UBE2H: variants seen among roughly 807,000 people sequenced by gnomAD.
UBE2H encodes the protein ubiquitin conjugating enzyme E2 H.
Under a neutral mutation model 29.0 loss-of-function variants are expected in UBE2H, and 3 were observed. The observed-to-expected ratio is 0.10, with a 90% confidence interval of 0.05 to 0.27. UBE2H has a LOEUF of 0.27. UBE2H is among the 10% of genes least tolerant of loss of function. The pLI is 1.00. For synonymous variants in UBE2H, 69 were observed against 82.9 expected, an observed-to-expected ratio of 0.83 and a Z score of 0.91; for missense variants, 68 against 228.2, an observed-to-expected ratio of 0.30 and a Z score of 4.52.
At chr7:129,890,593 G>A (rs1337470539) in intron 1 of UBE2H, among the ~76,000 whole-genome samples, 1 of 151,934 alleles carries the variant, frequency 6.6e-6, no homozygotes, top group Non-Finnish European at 1.5e-5. Context: ...GGCCAGGCTG[G>A]GATTGAACTC....
intron 1 of UBE2H, among the ~76,000 whole-genome samples, chr7:129,944,027 C>T (rs1229454206): frequency 1.3e-5 from 2 of 152,096 alleles, no homozygotes; most frequent in Non-Finnish European, 2.9e-5. Flanking sequence ...TAAATCAGTG[C>T]TTTAAGAGCA....
At chr7:129,845,073 T>C (rs535132111) in intron 5 of UBE2H, among the ~76,000 whole-genome samples, 46 of 152,312 alleles carry the variant, frequency 3.0e-4, no homozygotes, top group African/African-American at 1.1e-3. Flanking sequence ...GAGGTTGTAG[T>C]GAGCTGAGAT....
chr7:129,867,043 C>T (rs1238250136), intron 3 of UBE2H, among the ~76,000 whole-genome samples: 1 of 152,146 alleles, frequency 6.6e-6, no homozygotes, highest in Non-Finnish European at 1.5e-5. Context: ...CCTATGTGTC[C>T]ATCTCTTAAT....
intron 1 of UBE2H, among the ~76,000 whole-genome samples, chr7:129,946,893 A>T (rs1040981662): frequency 6.6e-6 from 1 of 152,240 alleles, no homozygotes; most frequent in African/African-American, 2.4e-5. Context: ...ATTACGTTGC[A>T]AACATTATAA....
At chr7:129,884,083 G>T (rs1343901816) in intron 1 of UBE2H, among the ~76,000 whole-genome samples, 2 of 147,974 alleles carry the variant, frequency 1.4e-5, no homozygotes, top group Non-Finnish European at 3.0e-5. Flanking sequence ...GTGACAGAGT[G>T]TGACTCTGTC....
At chr7:129,846,297 C>T (rs1278055686) in intron 5 of UBE2H, among the ~76,000 whole-genome samples, 3 of 151,888 alleles carry the variant, frequency 2.0e-5, no homozygotes, top group African/African-American at 7.3e-5. Context: ...GGCCTGAGCC[C>T]AGGAGTTCAA....
chr7:129,931,349 T>C (rs1408341314), intron 1 of UBE2H, among the ~76,000 whole-genome samples: 1 of 150,458 alleles, frequency 6.6e-6, no homozygotes, highest in Non-Finnish European at 1.5e-5. Flanking sequence ...GATCACGCCA[T>C]GGCACTCCAG....
At chr7:129,930,007 AAAAAC>A (rs896237045) in intron 1 of UBE2H, among the ~76,000 whole-genome samples, 6 of 152,274 alleles carry the variant, frequency 3.9e-5, no homozygotes, top group African/African-American at 9.6e-5. Flanking sequence ...CTCCATCTCA[AAAAAC>A]AAAACAAAAC....
At chr7:129,919,398 T>G (rs78966523) in intron 1 of UBE2H, among the ~76,000 whole-genome samples, 9,377 of 152,230 alleles carry the variant, frequency 0.062, 362 homozygotes, top group Non-Finnish European at 0.091. Flanking sequence ...ATGAGTCTGG[T>G]GCCGGCAGCA....
intron 1 of UBE2H, among the ~76,000 whole-genome samples, chr7:129,915,054 A>G (rs1807017028): frequency 6.6e-6 from 1 of 152,132 alleles, no homozygotes; most frequent in Admixed American, 6.5e-5. Context: ...TTATAGACCA[A>G]ATGACAACTT....
intron 5 of UBE2H, among the ~76,000 whole-genome samples, chr7:129,856,058 G>A (rs1165695314): frequency 1.3e-5 from 2 of 152,160 alleles, no homozygotes; most frequent in Admixed American, 6.5e-5. Context: ...AAAGATCAGG[G>A]GGGAATATCC....
intron 1 of UBE2H, among the ~76,000 whole-genome samples, chr7:129,919,472 C>T (rs1807112934): frequency 6.6e-6 from 1 of 152,138 alleles, no homozygotes; most frequent in South Asian, 2.1e-4. Flanking sequence ...CTCACCAATC[C>T]TGGGACTCTA....
chr7:129,880,723 G>C (rs1806236318), intron 2 of UBE2H, among the ~76,000 whole-genome samples, 172 bp downstream of exon 2: 1 of 152,158 alleles, frequency 6.6e-6, no homozygotes. Flanking sequence ...GATATCAAGG[G>C]ATGACTGTAT....
chr7:129,923,365 A>G (rs1807204547), intron 1 of UBE2H, among the ~76,000 whole-genome samples: 1 of 152,196 alleles, frequency 6.6e-6, no homozygotes. Flanking sequence ...TTAAAGGCCT[A>G]CTACTATATT....
At chr7:129,904,477 T>C (rs1175142544) in intron 1 of UBE2H, among the ~76,000 whole-genome samples, 2 of 152,198 alleles carry the variant, frequency 1.3e-5, no homozygotes, top group Non-Finnish European at 1.5e-5. Context: ...CTGAAGTACA[T>C]GCCCAACAGA....
rs912223414 is a variant in UBE2H at position 129,918,848 on chromosome 7, T to G, written c.53+33655A>C. 2.6e-5 allele frequency among the ~76,000 whole-genome samples: 4 copies of G among 152,210 alleles called. No homozygotes were observed. The South Asian group carries it at 8.3e-4, about 32-fold the overall frequency. ...CTGTGATCCCAGCACTTTGGGAGGTTGAGGCAGGTAGATCACTTGAGCCCG... is the reference window on the plus strand; with the variant it reads ...CTGTGATCCCAGCACTTTGGGAGGTGGAGGCAGGTAGATCACTTGAGCCCG... On this transcript the variant is annotated intron_variant, in intron 1 of 6. Transcript: ENST00000355621.
At chr7:129,926,232 C>T (rs563359791) in intron 1 of UBE2H, among the ~76,000 whole-genome samples, 3 of 151,434 alleles carry the variant, frequency 2.0e-5, no homozygotes, top group South Asian at 2.1e-4. Flanking sequence ...GGCCTCGGCC[C>T]GGCACAGTGG....
chr7:129,879,219 G>T (rs912217744), intron 3 of UBE2H, among the ~76,000 whole-genome samples: 3 of 152,314 alleles, frequency 2.0e-5, no homozygotes, highest in Non-Finnish European at 1.5e-5. Context: ...CACATACTAT[G>T]TAACATTCAT....
intron 1 of UBE2H, among the ~76,000 whole-genome samples, chr7:129,943,581 C>G (rs760361649): frequency 1.6e-4 from 24 of 152,138 alleles, no homozygotes; most frequent in Non-Finnish European, 3.1e-4. Context: ...CAGACTCCGT[C>G]TAAAAACACA....
Sources: gnomAD v4.1 joint callset for allele counts (sites outside exome capture counted in the v4.1 genomes callset) on GRCh38, gnomAD v4.1.1 for gene constraint, MANE v1.5 for transcripts, NCBI Gene and HGNC (gene_info 2026-07-23, HGNC 2026-07-21) for gene names.